AHCTF1: variants seen among roughly 807,000 people sequenced by gnomAD.
The protein encoded by AHCTF1 is protein ELYS.
A neutral mutation model predicts 248.4 loss-of-function variants in AHCTF1; 24 were observed. That is an observed-to-expected ratio of 0.10 (90% CI 0.07 to 0.14). AHCTF1 has a LOEUF of 0.14. AHCTF1 is among the 10% of genes least tolerant of loss of function. AHCTF1 has a pLI of 1.00. For missense variants in AHCTF1, 2,206 were observed against 2,636.2 expected, an observed-to-expected ratio of 0.84 and a Z score of 3.57; for synonymous variants, 786 against 929.8, an observed-to-expected ratio of 0.85 and a Z score of 2.81.
intron 33 of AHCTF1, among the ~76,000 whole-genome samples, chr1:246,848,437 G>A (rs967084511): frequency 2.0e-5 from 3 of 151,622 alleles, no homozygotes; most frequent in Non-Finnish European, 4.4e-5. Flanking sequence ...TCCTGATCTC[G>A]TGATCCACCC....
intron 21 of AHCTF1, among the ~76,000 whole-genome samples, chr1:246,878,579 AAAG>A (rs1663163627): frequency 6.6e-6 from 1 of 152,172 alleles, no homozygotes; most frequent in African/African-American, 2.4e-5. Flanking sequence ...TTTAAGTAGA[AAAG>A]AAAAAGTTCT....
chr1:246,900,901 G>T (rs75942303), intron 8 of AHCTF1, among the ~76,000 whole-genome samples: 1 of 152,186 alleles, frequency 6.6e-6, no homozygotes, highest in Non-Finnish European at 1.5e-5. Context: ...GACTTATCCA[G>T]TTATAAGGTA....
intron 1 of AHCTF1, among the ~76,000 whole-genome samples, chr1:246,924,432 T>C (rs1422359457): frequency 5.3e-5 from 8 of 152,142 alleles, no homozygotes; most frequent in African/African-American, 1.7e-4. Context: ...CATTTCAGTA[T>C]GGCTTGGATT....
intron 8 of AHCTF1, 132 bp from the exon 9 acceptor site, chr1:246,900,601 A>G (rs1664926226): frequency 1.0e-6 from 1 of 959,408 alleles, no homozygotes; most frequent in Non-Finnish European, 1.5e-6. Flanking sequence ...ATCAAAACGC[A>G]TTTCTATCAT....
chr1:246,876,630 G>A (rs1662986206), intron 23 of AHCTF1, among the ~76,000 whole-genome samples: 1 of 152,134 alleles, frequency 6.6e-6, no homozygotes, highest in East Asian at 1.9e-4. Context: ...CTTACTGCTG[G>A]CCTCTACGTC....
intron 21 of AHCTF1, among the ~76,000 whole-genome samples, chr1:246,884,240 C>T (rs1663655203): frequency 6.6e-6 from 1 of 152,172 alleles, no homozygotes; most frequent in African/African-American, 2.4e-5. Context: ...GCTATCTAAA[C>T]ATTTTTGCTA....
At chr1:246,844,520 A>T (rs1660106849) in intron 33 of AHCTF1, among the ~76,000 whole-genome samples, 1 of 152,176 alleles carries the variant, frequency 6.6e-6, no homozygotes, top group South Asian at 2.1e-4. Context: ...CAGGAGTTCA[A>T]GACTAGCCTG....
chr1:246,873,443 C>G (rs553967215), intron 24 of AHCTF1, among the ~76,000 whole-genome samples: 6 of 152,110 alleles, frequency 3.9e-5, no homozygotes, highest in Non-Finnish European at 7.3e-5. Context: ...GTCAATTTCT[C>G]CTGCATCATA....
At chr1:246,917,307 G>A (rs772463946) in intron 2 of AHCTF1, among the ~76,000 whole-genome samples, 8 of 152,166 alleles carry the variant, frequency 5.3e-5, no homozygotes, top group South Asian at 2.1e-4. Context: ...TACAGACTCC[G>A]AATTTCTGCT....
At chr1:246,922,944 C>CTGCACTCTAG (rs1294715103) in intron 1 of AHCTF1, among the ~76,000 whole-genome samples, 2 of 137,230 alleles carry the variant, frequency 1.5e-5, no homozygotes, top group Non-Finnish European at 3.0e-5. Flanking sequence ...GATTGCACCA[C>CTGCACTCTAG]TGCACTCTAG....
At chr1:246,885,395 A>C in intron 21 of AHCTF1, 98 bp downstream of exon 21, 1 of 1,012,972 alleles carries the variant, frequency 9.9e-7, no homozygotes, top group Non-Finnish European at 1.4e-6. Context: ...GACTTTACTG[A>C]CTTAACGGCC....
At chr1:246,872,706 A>T (rs1662684006) in intron 24 of AHCTF1, among the ~76,000 whole-genome samples, 1 of 152,192 alleles carries the variant, frequency 6.6e-6, no homozygotes, top group Non-Finnish European at 1.5e-5. Context: ...TCGCACTATC[A>T]TGGGTGCTGA....
At chr1:246,869,693 T>C (rs1038670948) in intron 24 of AHCTF1, among the ~76,000 whole-genome samples, 2 of 151,830 alleles carry the variant, frequency 1.3e-5, no homozygotes, top group Admixed American at 6.6e-5. Flanking sequence ...ATTTTAAGCC[T>C]ACTGTTGAGA....
At chr1:246,899,156 T>C (rs1352425404) in intron 11 of AHCTF1, among the ~76,000 whole-genome samples, 1 of 152,170 alleles carries the variant, frequency 6.6e-6, no homozygotes, top group African/African-American at 2.4e-5. Context: ...ACCACTGTGC[T>C]AGGTGCCTTC....
intron 4 of AHCTF1, among the ~76,000 whole-genome samples, chr1:246,908,399 A>C (rs1384456620): frequency 5.9e-5 from 9 of 151,740 alleles, no homozygotes; most frequent in Non-Finnish European, 1.2e-4. Context: ...TATATTGAAC[A>C]ATTGGAGTAA....
chr1:246,931,202 G>A, intron 1 of AHCTF1: 1 of 1,550,258 alleles, frequency 6.5e-7, no homozygotes, highest in African/African-American at 1.4e-5. Flanking sequence ...GCTTCCCTCG[G>A]GGAAAGGCCC....
intron 4 of AHCTF1, among the ~76,000 whole-genome samples, chr1:246,908,948 G>A (rs1293759049): frequency 6.7e-6 from 1 of 150,216 alleles, no homozygotes; most frequent in African/African-American, 2.4e-5. Context: ...TTAGCTCAAA[G>A]TAAGGTTTTA....
At chr1:246,858,109 G>A (rs914252224) in intron 29 of AHCTF1, among the ~76,000 whole-genome samples, 4 of 151,842 alleles carry the variant, frequency 2.6e-5, no homozygotes, top group East Asian at 3.9e-4. Context: ...ACAGATGCCC[G>A]CCACCATGCC....
intron 4 of AHCTF1, among the ~76,000 whole-genome samples, chr1:246,912,532 T>G (rs1445492727): frequency 6.6e-6 from 1 of 151,024 alleles, no homozygotes; most frequent in South Asian, 2.1e-4. Flanking sequence ...AAAGTCAAAA[T>G]TTTTTCGGGT....
Sources: gnomAD v4.1 joint callset for allele counts (sites outside exome capture counted in the v4.1 genomes callset) on GRCh38, gnomAD v4.1.1 for gene constraint, MANE v1.5 for transcripts, NCBI Gene and HGNC (gene_info 2026-07-23, HGNC 2026-07-21) for gene names.